Variants in TNN observed in about 807,000 individuals in gnomAD.
The protein encoded by TNN is tenascin-N.
Under a neutral mutation model 134.4 loss-of-function variants are expected in TNN, and 122 were observed. The observed-to-expected ratio is 0.91, with a 90% CI of 0.78 to 1.06. TNN has a LOEUF of 1.06. TNN is among the 50% of genes least tolerant of loss of function. The pLI is 0.00. For synonymous variants in TNN, 710 were observed against 670.3 expected (o/e 1.06, Z -0.91); for missense variants, 1,739 against 1,699.4 (o/e 1.02, Z -0.41).
chr1:175,084,833 T>A (rs1674287336), intron 5 of TNN, among the ~76,000 whole-genome samples: 1 of 152,176 alleles, frequency 6.6e-6, no homozygotes, highest in African/African-American at 2.4e-5. Flanking sequence ...AATAACTTTT[T>A]TTTAAAAAAA....
At chr1:175,089,587 C>T (rs948798439) in intron 6 of TNN, among the ~76,000 whole-genome samples, 2 of 152,204 alleles carry the variant, frequency 1.3e-5, no homozygotes, top group African/African-American at 2.4e-5. Flanking sequence ...ATTCTTTTGT[C>T]CTCTATCTAT....
chr1:175,083,258 G>A (rs900403517), intron 4 of TNN, among the ~76,000 whole-genome samples: 1 of 152,220 alleles, frequency 6.6e-6, no homozygotes, highest in Non-Finnish European at 1.5e-5. Context: ...ATGGAGGAAG[G>A]AGCTTGTTGG....
chr1:175,130,668 A>C (rs1196389498), intron 15 of TNN, among the ~76,000 whole-genome samples: 2 of 152,152 alleles, frequency 1.3e-5, no homozygotes, highest in Non-Finnish European at 2.9e-5. Flanking sequence ...TCTGCCCTGG[A>C]ATAGTCATGA....
chr1:175,106,445 G>A (rs181998855), intron 9 of TNN, among the ~76,000 whole-genome samples: 1 of 145,946 alleles, frequency 6.9e-6, no homozygotes, highest in East Asian at 2.3e-4. Context: ...ATGGGGCCTT[G>A]GGCAAAAACT....
chr1:175,080,236 C>G lies in TNN; in HGVS notation c.858C>G (p.Ser286Arg). The G allele has an allele frequency of 6.2e-7, 1 of 1,614,076 alleles. No homozygotes were observed. Among genetic ancestry groups the G allele is most frequent in the Non-Finnish European group, 8.5e-7 (1 of 1,179,994 alleles). Reference protein sequence around the residue: ...DSLLVSWEPSSQVDHYLLSYY... With the variant: ...DSLLVSWEPSRQVDHYLLSYY... ...TGCTGGTGAGCTGGGAGCCCTCCAG[C>G]CAGGTGGATCACTACCTCCTCAGCT... The change falls in exon 4 of 19, where the codon AGC (serine) becomes AGG (arginine). Residue 286 changes from serine (S) to arginine (R), a missense_variant. Coordinates refer to ENST00000239462, the MANE Select transcript of TNN (RefSeq NM_022093.2).
chr1:175,106,743 G>A (rs972917205), intron 9 of TNN, among the ~76,000 whole-genome samples: 2 of 145,658 alleles, frequency 1.4e-5, no homozygotes, highest in Non-Finnish European at 1.5e-5. Flanking sequence ...ACATGTTGTC[G>A]GGACCCCGGA....
intron 9 of TNN, among the ~76,000 whole-genome samples, chr1:175,115,991 T>C (rs550065183): frequency 6.6e-6 from 1 of 152,320 alleles, no homozygotes; most frequent in South Asian, 2.1e-4. Flanking sequence ...TGAGTTTCTG[T>C]GCTCACCAGA....
At chr1:175,093,813 T>C (rs891577085) in intron 6 of TNN, among the ~76,000 whole-genome samples, 177 bp from the exon 7 acceptor site, 1 of 152,134 alleles carries the variant, frequency 6.6e-6, no homozygotes, top group African/African-American at 2.4e-5. Flanking sequence ...AGTCCTTTCT[T>C]AGTTTAGGGT....
At chr1:175,131,321 T>C (rs1441214489) in intron 15 of TNN, among the ~76,000 whole-genome samples, 1 of 152,268 alleles carries the variant, frequency 6.6e-6, no homozygotes, top group Non-Finnish European at 1.5e-5. Flanking sequence ...CACAGACATT[T>C]CAATGCAAGT....
At chr1:175,068,458 A>T (rs1435872489) in intron 1 of TNN, among the ~76,000 whole-genome samples, 1 of 152,196 alleles carries the variant, frequency 6.6e-6, no homozygotes, top group Non-Finnish European at 1.5e-5. Context: ...AGTTAAGGGG[A>T]TGTTTGCAAA....
At chr1:175,131,795 G>A (rs1675679613) in intron 15 of TNN, among the ~76,000 whole-genome samples, 1 of 152,086 alleles carries the variant, frequency 6.6e-6, no homozygotes, top group Non-Finnish European at 1.5e-5. Context: ...AGAAAAGTGA[G>A]GCTTGTCAAG....
At chr1:175,069,743 T>C (rs1461395326) in intron 1 of TNN, among the ~76,000 whole-genome samples, 2 of 152,220 alleles carry the variant, frequency 1.3e-5, no homozygotes, top group African/African-American at 4.8e-5. Flanking sequence ...ACAGGGACTT[T>C]GCTGCTTCTG....
At chr1:175,116,169 A>G (rs534774710) in intron 9 of TNN, among the ~76,000 whole-genome samples, 1 of 152,246 alleles carries the variant, frequency 6.6e-6, no homozygotes, top group African/African-American at 2.4e-5. Context: ...AGCTCATATA[A>G]TATTCACAAT....
chr1:175,089,270 C>T (rs561042737), intron 6 of TNN, among the ~76,000 whole-genome samples: 17 of 152,238 alleles, frequency 1.1e-4, no homozygotes, highest in African/African-American at 3.4e-4. Flanking sequence ...CAGGAGGAAA[C>T]GAGGAAATGA....
chr1:175,082,756 A>C (rs1423641623), intron 4 of TNN, among the ~76,000 whole-genome samples: 1 of 152,150 alleles, frequency 6.6e-6, no homozygotes, highest in African/African-American at 2.4e-5. Flanking sequence ...AGACACCTCC[A>C]GGGAGGTGAA....
Position 175,117,106 on chromosome 1 carries a change from G to A in TNN, c.2287G>A (p.Val763Ile), listed in dbSNP as rs771864159. The stretch of plus-strand genomic sequence containing the variant: ...GGTGGGGAAGGAGCAGAGTAGCACT[G>A]TCCTGACGGGCCTGAGGCCGGGTGT... Reference protein sequence around the residue: ...VPVGKEQSSTVLTGLRPGVEY... With the variant: ...VPVGKEQSSTILTGLRPGVEY... The change falls in exon 10 of 19, where the codon GTC becomes ATC. Residue 763 changes from valine to isoleucine, a missense_variant. Coordinates refer to ENST00000239462, the MANE Select transcript of TNN (RefSeq NM_022093.2). The A allele has an allele frequency of 2.5e-6, 4 of 1,614,262 alleles. No individual in the cohort carries two copies. The highest frequency in any genetic ancestry group is 1.6e-4 in the Middle Eastern group (1 of 6,062).
At chr1:175,092,495 A>T (rs563106735) in intron 6 of TNN, among the ~76,000 whole-genome samples, 1 of 152,208 alleles carries the variant, frequency 6.6e-6, no homozygotes, top group African/African-American at 2.4e-5. Flanking sequence ...ACTGTCTATT[A>T]CTGCTGCTGG....
chr1:175,142,502 T>C (rs1316037028), intron 17 of TNN, among the ~76,000 whole-genome samples: 2 of 152,240 alleles, frequency 1.3e-5, no homozygotes, highest in East Asian at 1.9e-4. Context: ...GTTCTCACAC[T>C]GTAGCCTGCG....
chr1:175,076,042 A>C (rs934474931), intron 1 of TNN, among the ~76,000 whole-genome samples: 1 of 152,248 alleles, frequency 6.6e-6, no homozygotes, highest in Non-Finnish European at 1.5e-5. Context: ...ATGCAAGCCC[A>C]ACTGGGATGT....
Sources: allele counts gnomAD v4.1 joint callset (sites outside exome capture counted in the v4.1 genomes callset), GRCh38; gene constraint gnomAD v4.1.1; transcripts MANE v1.5; gene names NCBI Gene and HGNC (gene_info 2026-07-23, HGNC 2026-07-21).